The following P2RX7 variants were observed in gnomAD, a reference collection of about 807,000 sequenced individuals.
P2RX7 encodes purinergic receptor P2X 7, also known as P2X purinoceptor 7.
Under a neutral mutation model 71.6 loss-of-function variants are expected in P2RX7, and 62 were observed. The ratio of observed to expected loss-of-function variants is 0.87; its 90% CI spans 0.71 to 1.07. The LOEUF is 1.07. P2RX7 is among the 50% of genes least tolerant of loss of function. P2RX7 has a pLI of 0.00. For missense variants in P2RX7, 686 were observed against 748.5 expected (o/e 0.92, Z 0.97); for synonymous variants, 299 against 283.3 (o/e 1.06, Z -0.56).
At chr12:121,150,091 C>G (rs1414380256) in intron 1 of P2RX7, among the ~76,000 whole-genome samples, 1 of 152,116 alleles carries the variant, frequency 6.6e-6, no homozygotes, top group Non-Finnish European at 1.5e-5. Flanking sequence ...CAAGCAAGGT[C>G]GGGAGAGTAT....
chr12:121,187,555 T>C lies in P2RX7; in HGVS notation c.*2753T>C, dbSNP rs1404077398. 1.3e-5 allele frequency: 2 copies of C among 152,166 alleles called. No individual in the cohort carries two copies. The highest frequency in any genetic ancestry group is 4.8e-5 in the African/African-American group (2 of 41,438). 9.4% of individuals were successfully genotyped at this position (152,166 alleles called of 1,614,324 possible). A position where few individuals can be genotyped will look rare whatever the true frequency, so the allele number is the denominator to read the frequency against. The stretch of plus-strand genomic sequence containing the variant: ...TATTCCTAGTATGTTTCTATCACCT[T>C]AATGAGGCCGCAGATGGAGTCAGAA... On this transcript the variant is annotated 3_prime_UTR_variant, in exon 13 of 13. Transcript: ENST00000328963.
chr12:121,172,880 T>C (rs952868837), intron 8 of P2RX7, among the ~76,000 whole-genome samples: 1 of 152,172 alleles, frequency 6.6e-6, no homozygotes, highest in Non-Finnish European at 1.5e-5. Flanking sequence ...TCTCCCTACA[T>C]CTTGTAACTA....
chr12:121,147,628 G>A (rs754211076), intron 1 of P2RX7, among the ~76,000 whole-genome samples: 2 of 151,774 alleles, frequency 1.3e-5, no homozygotes, highest in Admixed American at 6.6e-5. Flanking sequence ...TTGTTTGTTT[G>A]TCTTGAGACA....
rs745787357 is a variant in P2RX7 at position 121,136,631 on chromosome 12, TTTTC to T, written c.125+3552_125+3555del. The stretch of plus-strand genomic sequence containing the variant: ...GCCACTTTGTCTGGCCTACAATTCC[TTTTC>T]TTTCTTTCTTTCTTTTTTTTTTTTT... On this transcript the variant is annotated intron_variant, in intron 1 of 12. Coordinates refer to ENST00000328963, the MANE Select transcript of P2RX7 (RefSeq NM_002562.6). Among the ~76,000 whole-genome samples the T allele has an allele frequency of 7.7e-3, 1,155 of 149,424 alleles. 7 individuals carry two copies. The highest frequency in any genetic ancestry group is 0.014 in the Non-Finnish European group (934 of 67,584).
At position 121,160,275 on chromosome 12, in the gene P2RX7, G is replaced by A. The variant is rs1211439418; in HGVS notation, c.364-627G>A. The stretch of plus-strand genomic sequence containing the variant: ...TGATTCTCCTGCCTCAGCCCCCCTA[G>A]TAGCTGGGATTACAGGCGCACACCA... On this transcript the variant is annotated intron_variant, in intron 3 of 12. Coordinates refer to ENST00000328963, the MANE Select transcript of P2RX7 (RefSeq NM_002562.6). Among the ~76,000 whole-genome samples, 5 of 151,994 alleles carry A rather than the reference G, an allele frequency of 3.3e-5. No homozygotes were observed. In the South Asian group the frequency reaches 1.0e-3, roughly 31 times the overall value.
chr12:121,148,393 T>G (rs1876693271), intron 1 of P2RX7, among the ~76,000 whole-genome samples: 1 of 151,748 alleles, frequency 6.6e-6, no homozygotes, highest in African/African-American at 2.4e-5. Flanking sequence ...TTTTGCCTTT[T>G]TAGTAGAAAT....
chr12:121,179,183 G>A (rs553870322), intron 11 of P2RX7, among the ~76,000 whole-genome samples: 116 of 152,176 alleles, frequency 7.6e-4, no homozygotes, highest in African/African-American at 2.6e-3. Context: ...TTTCCCCAAA[G>A]ATAAATCTCT....
At chr12:121,150,961 A>G (rs745730922) in intron 1 of P2RX7, among the ~76,000 whole-genome samples, 2 of 152,248 alleles carry the variant, frequency 1.3e-5, no homozygotes, top group African/African-American at 2.4e-5. Flanking sequence ...TGTGCATAAT[A>G]TAACACCCAC....
intron 8 of P2RX7, among the ~76,000 whole-genome samples, chr12:121,173,488 G>A (rs888458077): frequency 2.6e-5 from 4 of 152,092 alleles, no homozygotes; most frequent in Non-Finnish European, 5.9e-5. Flanking sequence ...ACCTGGCCAA[G>A]AAGAATTTAT....
Position 121,157,176 on chromosome 12 carries a change from T to C in P2RX7, c.363+1029T>C, listed in dbSNP as rs370957221. On this transcript the variant is annotated intron_variant, in intron 3 of 12. Transcript: ENST00000328963. Reference sequence around the variant, plus strand: ...TAACTGTGCTGTACCAGGGACCATTTCCAACACTGACCGTTGCAGCAGCGC... The same window carrying C: ...TAACTGTGCTGTACCAGGGACCATTCCCAACACTGACCGTTGCAGCAGCGC... Among the ~76,000 whole-genome samples the C allele has an allele frequency of 5.9e-5, 9 of 152,196 alleles. No homozygotes were observed. In the East Asian group the frequency reaches 1.2e-3, roughly 20 times the overall value.
chr12:121,174,228 A>G (rs1882707814), intron 8 of P2RX7, among the ~76,000 whole-genome samples: 1 of 151,420 alleles, frequency 6.6e-6, no homozygotes, highest in African/African-American at 2.4e-5. Flanking sequence ...TTGTATTTTT[A>G]GTAGAGATGG....
intron 4 of P2RX7, 198 bp from the exon 5 acceptor site, chr12:121,162,226 A>C (rs533267151): frequency 1.7e-5 from 23 of 1,379,308 alleles, no homozygotes; most frequent in Non-Finnish European, 2.2e-5. Context: ...TCTGATCTTT[A>C]TTATGTTTTG....
chr12:121,162,613 C>T, intron 5 of P2RX7, 93 bp downstream of exon 5: 1 of 1,465,692 alleles, frequency 6.8e-7, no homozygotes, highest in South Asian at 1.2e-5. Context: ...CTCAGCACAG[C>T]CCTGCAAAGT....
In P2RX7 at chr12:121,160,967, G is replaced by A; in HGVS notation, c.429G>A (p.Gln143=). 6.2e-7 allele frequency: 1 copy of A among 1,613,418 alleles called. No individual in the cohort carries two copies. Among genetic ancestry groups the A allele is most frequent in the Non-Finnish European group, 8.5e-7 (1 of 1,179,304 alleles). ...RGCKKGWMDP[Q]SKGIQTGRCV... ...GTAAAAAGGGATGGATGGACCCGCA[G>A]AGCAAAGGTACCTTCTGTTTCTTTT... Residue 143 remains glutamine, a synonymous_variant, in exon 4 of 13, where the codon CAG becomes CAA. Coordinates refer to ENST00000328963, the MANE Select transcript of P2RX7 (RefSeq NM_002562.6).
chr12:121,154,964 C>G lies in P2RX7; in HGVS notation c.294+11C>G. On this transcript the variant is annotated intron_variant, in intron 2 of 12. Transcript: ENST00000328963. This position sits in a 1 kb window ranked among gnomAD's most constrained non-coding sequence, Gnocchi z 4.2. ...ACCTTCCCTTTGCAGGTGAGCACCT[C>G]GTAGCATTCTCCCAGGCTCGTCGCT... 6.2e-7 allele frequency: 1 copy of G among 1,613,794 alleles called. No individual in the cohort carries two copies. The highest frequency in any genetic ancestry group is 1.1e-5 in the South Asian group (1 of 91,036).
At chr12:121,159,026 T>A (rs1879119439) in intron 3 of P2RX7, among the ~76,000 whole-genome samples, 1 of 152,198 alleles carries the variant, frequency 6.6e-6, no homozygotes, top group South Asian at 2.1e-4. Flanking sequence ...AAAGAGATCA[T>A]GAGAGAGTTT....
chr12:121,151,821 T>C lies in P2RX7; in HGVS notation c.126-2964T>C, dbSNP rs538185033. ...GTCCCCTGCAACGACCAATCTACTC[T>C]CTGTCTCTGTGGATTCACCTATTCT... On this transcript the variant is annotated intron_variant, in intron 1 of 12. Transcript: ENST00000328963. 4.2e-3 allele frequency among the ~76,000 whole-genome samples: 642 copies of C among 152,108 alleles called. 2 individuals carry two copies. The highest frequency in any genetic ancestry group is 6.9e-3 in the Non-Finnish European group (469 of 67,996).
intron 12 of P2RX7, among the ~76,000 whole-genome samples, chr12:121,183,799 A>G (rs2136175546): frequency 6.6e-6 from 1 of 152,238 alleles, no homozygotes; most frequent in East Asian, 1.9e-4. Context: ...GCAGTGGCTC[A>G]TGCCTGTAAT....
At chr12:121,148,415 A>C (rs899042492) in intron 1 of P2RX7, among the ~76,000 whole-genome samples, 1 of 151,762 alleles carries the variant, frequency 6.6e-6, no homozygotes, top group Non-Finnish European at 1.5e-5. Context: ...GGGTTTCGCC[A>C]TGTTGCCCAG....
Sources: gnomAD v4.1 joint callset for allele counts (sites outside exome capture counted in the v4.1 genomes callset) on GRCh38, gnomAD v4.1.1 for gene constraint, Gnocchi (gnomAD v3.1) non-coding constraint, MANE v1.5 for transcripts, NCBI Gene and HGNC (gene_info 2026-07-23, HGNC 2026-07-21) for gene names.